Variants in TMEM132C observed in about 807,000 individuals in gnomAD.
TMEM132C encodes the protein protein phosphatase 1, regulatory subunit 152.
Under a neutral mutation model 61.4 loss-of-function variants are expected in TMEM132C, and 29 were observed. The observed-to-expected ratio is 0.47, with a 90% confidence interval of 0.35 to 0.64. The LOEUF (loss-of-function observed/expected upper bound fraction) is 0.64, where lower values mean the gene tolerates loss of function less well. TMEM132C is among the 30% of genes least tolerant of loss of function. TMEM132C has a pLI of 0.00. For missense variants in TMEM132C, 1,408 were observed against 1,476.9 expected (o/e 0.95, Z 0.76); for synonymous variants, 656 against 633.1 (o/e 1.04, Z -0.54).
At chr12:128,456,137 A>C (rs1369858234) in intron 2 of TMEM132C, among the ~76,000 whole-genome samples, 2 of 151,918 alleles carry the variant, frequency 1.3e-5, no homozygotes, top group Non-Finnish European at 2.9e-5. Flanking sequence ...CCAGAGGGAG[A>C]ATGGCAGCCT....
intron 1 of TMEM132C, among the ~76,000 whole-genome samples, chr12:128,413,351 A>G (rs1253382877): frequency 7.0e-6 from 1 of 142,812 alleles, no homozygotes; most frequent in Non-Finnish European, 1.5e-5. Context: ...TCTTGTGTGT[A>G]TGTGTTTTCT....
intron 4 of TMEM132C, among the ~76,000 whole-genome samples, chr12:128,621,542 T>C (rs1448801516): frequency 1.3e-5 from 2 of 152,194 alleles, no homozygotes; most frequent in Non-Finnish European, 2.9e-5. Context: ...TCTAGAGCCT[T>C]CAGAGGGATT....
At chr12:128,446,262 A>T (rs1437763248) in intron 2 of TMEM132C, among the ~76,000 whole-genome samples, 1 of 152,298 alleles carries the variant, frequency 6.6e-6, no homozygotes, top group Non-Finnish European at 1.5e-5. Context: ...GGTCGTCATT[A>T]TATGCTGAGC....
At chr12:128,681,191 G>T (rs1954631374) in intron 5 of TMEM132C, among the ~76,000 whole-genome samples, 1 of 152,138 alleles carries the variant, frequency 6.6e-6, no homozygotes, top group Non-Finnish European at 1.5e-5. Flanking sequence ...TGTTGGCCAG[G>T]CTGGTCTCAA....
At chr12:128,412,136 T>C (rs1868579042) in intron 1 of TMEM132C, among the ~76,000 whole-genome samples, 1 of 152,230 alleles carries the variant, frequency 6.6e-6, no homozygotes, top group African/African-American at 2.4e-5. Flanking sequence ...CCTCCTGCAA[T>C]GTGGTTTTGA....
chr12:128,581,508 G>A (rs1367417793), intron 3 of TMEM132C, among the ~76,000 whole-genome samples: 1 of 152,132 alleles, frequency 6.6e-6, no homozygotes, highest in Non-Finnish European at 1.5e-5. Flanking sequence ...GAAAAGGATG[G>A]ATTCTCATCA....
intron 2 of TMEM132C, among the ~76,000 whole-genome samples, chr12:128,530,780 C>A (rs537280872): frequency 2.0e-5 from 3 of 152,282 alleles, no homozygotes; most frequent in East Asian, 1.9e-4. Context: ...TTCCTCATTC[C>A]ATGTAAATGT....
At chr12:128,429,517 C>T (rs548639436) in intron 2 of TMEM132C, among the ~76,000 whole-genome samples, 3 of 152,262 alleles carry the variant, frequency 2.0e-5, no homozygotes, top group African/African-American at 7.2e-5. Context: ...ACCTGGCAGC[C>T]TTTCCTGACA....
At chr12:128,314,716 C>T (rs1372710508) in intron 1 of TMEM132C, among the ~76,000 whole-genome samples, 2 of 152,166 alleles carry the variant, frequency 1.3e-5, no homozygotes, top group African/African-American at 2.4e-5. Flanking sequence ...TCAGGACTGC[C>T]GGCGGCCACC....
chr12:128,480,882 C>T lies in TMEM132C; in HGVS notation c.975-63075C>T, dbSNP rs533060552. On this transcript the variant is annotated intron_variant, in intron 2 of 8. Transcript: ENST00000435159. Reference sequence around the variant, plus strand: ...CCATCATTCACCAAAAAGGATTCGGCTGCTTGGAAAGGGCTTGTGAATACA... The same window carrying T: ...CCATCATTCACCAAAAAGGATTCGGTTGCTTGGAAAGGGCTTGTGAATACA... Among the ~76,000 whole-genome samples the T allele has an allele frequency of 3.3e-5, 5 of 152,282 alleles. No individual in the cohort carries two copies. In the South Asian group the frequency reaches 1.0e-3, roughly 32 times the overall value.
intron 2 of TMEM132C, among the ~76,000 whole-genome samples, chr12:128,495,343 C>T (rs1871905057): frequency 6.6e-6 from 1 of 152,044 alleles, no homozygotes; most frequent in South Asian, 2.1e-4. Flanking sequence ...CTGTAGGTGT[C>T]TATTAGGTCC....
At chr12:128,516,044 G>A (rs1872707210) in intron 2 of TMEM132C, among the ~76,000 whole-genome samples, 1 of 152,106 alleles carries the variant, frequency 6.6e-6, no homozygotes, top group South Asian at 2.1e-4. Context: ...GAAACTGAGT[G>A]GTGTTTCCAT....
At chr12:128,667,814 C>T (rs75393407) in intron 4 of TMEM132C, among the ~76,000 whole-genome samples, 1,632 of 152,290 alleles carry the variant, frequency 0.011, 11 homozygotes, top group Non-Finnish European at 0.017. Context: ...AAGGTATTTT[C>T]GTCATCACCT....
intron 4 of TMEM132C, among the ~76,000 whole-genome samples, chr12:128,663,519 G>GT (rs1419181603): frequency 6.6e-6 from 1 of 152,150 alleles, no homozygotes; most frequent in African/African-American, 2.4e-5. Context: ...GAGGTGGGGC[G>GT]TTTTACACCC....
At chr12:128,547,989 C>T (rs1422546953) in intron 3 of TMEM132C, among the ~76,000 whole-genome samples, 1 of 151,846 alleles carries the variant, frequency 6.6e-6, no homozygotes, top group African/African-American at 2.4e-5. Context: ...TGTTGATCCC[C>T]CATGACCACT....
At chr12:128,380,962 T>C (rs1169106723) in intron 1 of TMEM132C, among the ~76,000 whole-genome samples, 1 of 152,228 alleles carries the variant, frequency 6.6e-6, no homozygotes, top group Non-Finnish European at 1.5e-5. Flanking sequence ...ATGCAGGTGT[T>C]GTCTCTGTAA....
In TMEM132C at chr12:128,523,386, G is replaced by C. The variant is rs1050242438; in HGVS notation, c.975-20571G>C. On this transcript the variant is annotated intron_variant, in intron 2 of 8. Coordinates refer to ENST00000435159, the MANE Select transcript of TMEM132C (RefSeq NM_001136103.3). ...TGCCGATGCTTAATGCCACTCAACT[G>C]TATGCTTAAAAATGCTTAAGATGCT... 3.3e-5 allele frequency among the ~76,000 whole-genome samples: 5 copies of C among 152,170 alleles called. No homozygotes were observed. The East Asian group carries it at 9.6e-4, about 29-fold the overall frequency.
chr12:128,378,678 A>T (rs892833898), intron 1 of TMEM132C, among the ~76,000 whole-genome samples: 5 of 152,160 alleles, frequency 3.3e-5, no homozygotes, highest in African/African-American at 1.2e-4. Flanking sequence ...GTGACGGTCA[A>T]TTCACAGTTC....
At chr12:128,590,930 C>T (rs766729893) in intron 3 of TMEM132C, among the ~76,000 whole-genome samples, 3 of 152,108 alleles carry the variant, frequency 2.0e-5, no homozygotes, top group Admixed American at 2.0e-4. Context: ...GTATGCACTG[C>T]CACACCCAGC....
Sources: allele counts gnomAD v4.1 joint callset (sites outside exome capture counted in the v4.1 genomes callset), GRCh38; gene constraint gnomAD v4.1.1; transcripts MANE v1.5; gene names NCBI Gene and HGNC (gene_info 2026-07-23, HGNC 2026-07-21).